SLC41A1: variants seen among roughly 807,000 people sequenced by gnomAD.
The protein encoded by SLC41A1 is solute carrier family 41 (magnesium transporter), member 1.
Under a neutral mutation model 47.3 loss-of-function variants are expected in SLC41A1, and 20 were observed. That is an observed-to-expected ratio of 0.42 (90% CI 0.30 to 0.61). The LOEUF (loss-of-function observed/expected upper bound fraction) is 0.61. Ranked by LOEUF, SLC41A1 falls within the 20% of genes least tolerant of loss-of-function variation. The pLI is 0.17. For missense variants in SLC41A1, 504 were observed against 674.1 expected, an observed-to-expected ratio of 0.75 and a Z score of 2.79; for synonymous variants, 282 against 272.7, an observed-to-expected ratio of 1.03 and a Z score of -0.34.
In SLC41A1 at chr1:205,813,082, G is replaced by C; in HGVS notation, c.-921C>G. On this transcript the variant is annotated 5_prime_UTR_variant, in exon 1 of 11. Transcript: ENST00000367137. Reference sequence around the variant, plus strand: ...GGATATATCGCTTCGGGCCCGGCGGGGGGGCACCCGGACGGGGGACCGGGG... The same window carrying C: ...GGATATATCGCTTCGGGCCCGGCGGCGGGGCACCCGGACGGGGGACCGGGG... 1 of 985,540 alleles carries C rather than the reference G, an allele frequency of 1.0e-6. No homozygotes were observed. Among genetic ancestry groups the C allele is most frequent in the Non-Finnish European group, 1.2e-6 (1 of 830,004 alleles). 61.0% of individuals were successfully genotyped at this position (985,540 alleles called of 1,614,324 possible). A position where few individuals can be genotyped will look rare whatever the true frequency, so the allele number is the denominator to read the frequency against.
chr1:205,799,903 C>T, intron 3 of SLC41A1, 73 bp from the exon 4 acceptor site: 2 of 1,339,900 alleles, frequency 1.5e-6, no homozygotes, highest in Non-Finnish European at 1.1e-6. Context: ...TAGGCTCCTG[C>T]CTAGATCATG....
intron 4 of SLC41A1, among the ~76,000 whole-genome samples, chr1:205,799,431 G>A (rs1655820337): frequency 6.6e-6 from 1 of 152,184 alleles, no homozygotes; most frequent in Non-Finnish European, 1.5e-5. Context: ...CTCCCAGTCT[G>A]AACCTGTGTG....
chr1:205,795,448 G>A lies in SLC41A1; in HGVS notation c.1103C>T (p.Ala368Val). ...GTGCAGGAAGGTGGAGATGCGGCTG[G>A]CCTGCACTGCCACCAGATTGCCCCC... ...GVGGNLVAVQ[A>V]SRISTFLHMN... The change falls in exon 9 of 11, where the codon GCC becomes GTC. Residue 368 changes from alanine to valine, a missense_variant. Transcript: ENST00000367137. 1 of 1,614,162 alleles carries A rather than the reference G, an allele frequency of 6.2e-7. No individual in the cohort carries two copies. The highest frequency in any genetic ancestry group is 1.3e-5 in the African/African-American group (1 of 75,036).
Position 205,812,878 on chromosome 1 carries a change from G to A in SLC41A1, c.-717C>T. Reference sequence around the variant, plus strand: ...GTGGCCCGTGGTCTCGGGGGGTGCAGGGCACCCCCTCTTCTCATCACTCCT... The same window carrying A: ...GTGGCCCGTGGTCTCGGGGGGTGCAAGGCACCCCCTCTTCTCATCACTCCT... On this transcript the variant is annotated 5_prime_UTR_variant, in exon 1 of 11. Transcript: ENST00000367137. 1 of 985,196 alleles carries A rather than the reference G, an allele frequency of 1.0e-6. No homozygotes were observed. The highest frequency in any genetic ancestry group is 1.2e-6 in the Non-Finnish European group (1 of 829,760). The allele number at this position is 985,196 out of a possible 1,614,324, so 61.0% of individuals were successfully genotyped here.
intron 2 of SLC41A1, among the ~76,000 whole-genome samples, chr1:205,804,109 G>C (rs544274716): frequency 1.1e-3 from 166 of 152,276 alleles, no homozygotes; most frequent in Non-Finnish European, 2.1e-3. Context: ...AAAGGGTTAA[G>C]ATGGTAAATT....
chr1:205,798,051 T>C lies in SLC41A1; in HGVS notation c.845A>G (p.Asn282Ser). The change falls in exon 7 of 11, where the codon AAT becomes AGT. Residue 282 changes from asparagine (N) to serine (S), a missense_variant and splice_region_variant. By Grantham distance (46) the Asn-to-Ser change is conservative. Transcript: ENST00000367137. ...GISWGLYLELNHWRYIYPLVC... is the reference protein window; with the variant it reads ...GISWGLYLELSHWRYIYPLVC... Reference sequence around the variant, plus strand: ...CAGTGGGTAGATGTATCGCCAGTGATCTGAGAGGGCAGAGGTCAGAAGGAG... The same window carrying C: ...CAGTGGGTAGATGTATCGCCAGTGACCTGAGAGGGCAGAGGTCAGAAGGAG... 1 of 1,614,112 alleles carries C rather than the reference T, an allele frequency of 6.2e-7. No individual in the cohort carries two copies. The highest frequency in any genetic ancestry group is 8.5e-7 in the Non-Finnish European group (1 of 1,180,024).
chr1:205,807,142 C>T (rs1656031750), intron 2 of SLC41A1, among the ~76,000 whole-genome samples: 1 of 152,184 alleles, frequency 6.6e-6, no homozygotes, highest in Non-Finnish European at 1.5e-5. Context: ...CCATCCCGCT[C>T]TTCCTGAATC....
Position 205,812,958 on chromosome 1 carries a change from G to A in SLC41A1, c.-797C>T. 5 of 985,706 alleles carry A rather than the reference G, an allele frequency of 5.1e-6. No individual in the cohort carries two copies. The highest frequency in any genetic ancestry group is 1.7e-5 in the African/African-American group (1 of 57,368). 61.1% of individuals were successfully genotyped at this position (985,706 alleles called of 1,614,324 possible). A position where few individuals can be genotyped will look rare whatever the true frequency, so the allele number is the denominator to read the frequency against. On this transcript the variant is annotated 5_prime_UTR_variant, in exon 1 of 11. Transcript: ENST00000367137. ...GCCCCCCCACACCCCCAGCCAAGGC[G>A]AGCGTCCAGCCGCGACACCCGGCTC...
chr1:205,802,550 C>A (rs1655907400), intron 2 of SLC41A1, among the ~76,000 whole-genome samples: 1 of 151,702 alleles, frequency 6.6e-6, no homozygotes, highest in African/African-American at 2.4e-5. Flanking sequence ...AACCCCGTCT[C>A]TACTGAAAAT....
Position 205,791,043 on chromosome 1 carries a change from C to CGCCGTAT in SLC41A1, c.*489_*490insATACGGC. 4.0e-5 allele frequency: 9 copies of CGCCGTAT among 222,816 alleles called. No homozygotes were observed. The highest frequency in any genetic ancestry group is 2.7e-4 in the South Asian group (4 of 14,906). 13.8% of individuals were successfully genotyped at this position (222,816 alleles called of 1,614,324 possible). A position where few individuals can be genotyped will look rare whatever the true frequency, so the allele number is the denominator to read the frequency against. The stretch of plus-strand genomic sequence containing the variant: ...TCCTGTCCAGAGCTTTGAAGTTGGT[C>CGCCGTAT]CACTTCTACAAAAGTATGTCTGTGT... On this transcript the variant is annotated 3_prime_UTR_variant, in exon 11 of 11. Transcript: ENST00000367137. The surrounding 1 kb of genome is among the most constrained non-coding windows in gnomAD (Gnocchi z 4.0).
At chr1:205,793,856 A>G (rs1442277683) in intron 10 of SLC41A1, among the ~76,000 whole-genome samples, 1 of 152,244 alleles carries the variant, frequency 6.6e-6, no homozygotes, top group Non-Finnish European at 1.5e-5. Flanking sequence ...CAAGAAAGGG[A>G]TAATACTGAT....
rs1158394338 is a variant in SLC41A1 at position 205,813,081 on chromosome 1, G to T, written c.-920C>A. ...AGGATATATCGCTTCGGGCCCGGCG[G>T]GGGGGCACCCGGACGGGGGACCGGG... is the stretch of plus-strand genomic sequence containing the variant. On this transcript the variant is annotated 5_prime_UTR_variant, in exon 1 of 11. Coordinates refer to ENST00000367137, the MANE Select transcript of SLC41A1 (RefSeq NM_173854.6). The T allele has an allele frequency of 1.0e-5, 10 of 985,396 alleles. No individual in the cohort carries two copies. The highest frequency in any genetic ancestry group is 9.4e-5 in the South Asian group (2 of 21,292). 61.0% of individuals were successfully genotyped at this position (985,396 alleles called of 1,614,324 possible). A position where few individuals can be genotyped will look rare whatever the true frequency, so the allele number is the denominator to read the frequency against.
chr1:205,808,580 A>G lies in SLC41A1; in HGVS notation c.372+1490T>C, dbSNP rs528747479. Among the ~76,000 whole-genome samples, 3 of 152,298 alleles carry G rather than the reference A, an allele frequency of 2.0e-5. No homozygotes were observed. The South Asian group carries it at 6.2e-4, about 32-fold the overall frequency. On this transcript the variant is annotated intron_variant, in intron 2 of 10. Transcript: ENST00000367137. ...CTTCAAGAATGAGAACTGAGGCCAC[A>G]GGAAAGGAATAGAAGAGGTGAAGAA... is the stretch of plus-strand genomic sequence containing the variant.
At chr1:205,801,840 G>C (rs1025004720) in intron 2 of SLC41A1, among the ~76,000 whole-genome samples, 4 of 152,174 alleles carry the variant, frequency 2.6e-5, no homozygotes, top group African/African-American at 9.7e-5. Context: ...CTGATTGTGT[G>C]CTAGGCTAAG....
chr1:205,792,941 T>C (rs954071), intron 10 of SLC41A1, among the ~76,000 whole-genome samples: 18,563 of 128,162 alleles, frequency 0.14, 1,419 homozygotes, highest in Admixed American at 0.26. Context: ...TCCTCTCTCT[T>C]TTTTTTTTTT....
In SLC41A1 at chr1:205,791,836, T is replaced by C; in HGVS notation, c.1357-118A>G. ...GCTTGGCTGGCCATAATCCTTACTT[T>C]TTAATCTTCCTCTTTCCACCCCAGC... On this transcript the variant is annotated intron_variant, in intron 10 of 10. Coordinates refer to ENST00000367137, the MANE Select transcript of SLC41A1 (RefSeq NM_173854.6). The surrounding 1 kb of genome is among the most constrained non-coding windows in gnomAD (Gnocchi z 4.0). 2 of 1,309,860 alleles carry C rather than the reference T, an allele frequency of 1.5e-6. No individual in the cohort carries two copies. Among genetic ancestry groups the C allele is most frequent in the Non-Finnish European group, 2.1e-6 (2 of 930,974 alleles). 81.1% of individuals were successfully genotyped at this position (1,309,860 alleles called of 1,614,324 possible).
At chr1:205,792,863 C>G (rs1380258352) in intron 10 of SLC41A1, among the ~76,000 whole-genome samples, 1 of 152,094 alleles carries the variant, frequency 6.6e-6, no homozygotes, top group Non-Finnish European at 1.5e-5. Context: ...ATGCGGGAAC[C>G]ACAGCCCTTA....
chr1:205,792,939 C>CTT (rs1272210183), intron 10 of SLC41A1, among the ~76,000 whole-genome samples: 2 of 142,458 alleles, frequency 1.4e-5, no homozygotes, highest in Non-Finnish European at 3.1e-5. Context: ...TGTCCTCTCT[C>CTT]TTTTTTTTTT....
rs1455087665 is a variant in SLC41A1, at chr1:205,810,286, C to A, written c.156G>T (p.Glu52Asp). The change falls in exon 2 of 11, where the codon GAG (glutamate) becomes GAT (aspartate). Residue 52 changes from glutamate (E) to aspartate (D), a missense_variant. Glu to Asp is a conservative substitution (Grantham distance 45). Coordinates refer to ENST00000367137, the MANE Select transcript of SLC41A1 (RefSeq NM_173854.6). The surrounding 1 kb of genome is among the most constrained non-coding windows in gnomAD (Gnocchi z 5.5). ...PDGAGVEVVI[E>D]SRANAKGVRE... ...GAACCCCCTTGGCGTTGGCCCGAGA[C>A]TCAATCACCACCTCTACCCCAGCCC... is the stretch of plus-strand genomic sequence containing the variant. 4.3e-6 allele frequency: 7 copies of A among 1,614,086 alleles called. No homozygotes were observed. In the Admixed American group the frequency reaches 1.0e-4, roughly 23 times the overall value.
Sources: gnomAD v4.1 joint callset for allele counts (sites outside exome capture counted in the v4.1 genomes callset) on GRCh38, gnomAD v4.1.1 for gene constraint, Gnocchi (gnomAD v3.1) non-coding constraint, MANE v1.5 for transcripts, NCBI Gene and HGNC (gene_info 2026-07-23, HGNC 2026-07-21) for gene names.